The following AGAP1 variants were observed in gnomAD, a reference collection of about 807,000 sequenced individuals.
AGAP1 encodes arf-GAP with GTPase, ANK repeat and PH domain-containing protein 1.
In AGAP1, 29 loss-of-function variants were observed where a neutral mutation model predicts 105.3. The observed-to-expected ratio is 0.28, with a 90% confidence interval of 0.21 to 0.38. The LOEUF is 0.38. Among genes scored for constraint, AGAP1 ranks in the 10% least tolerant of loss-of-function variants. The pLI, the probability that AGAP1 is intolerant of heterozygous loss-of-function variation, is 1.00. For missense variants in AGAP1, 998 were observed against 1,165.1 expected, an observed-to-expected ratio of 0.86 and a Z score of 2.09; for synonymous variants, 509 against 485.9, an observed-to-expected ratio of 1.05 and a Z score of -0.63.
intron 13 of AGAP1, among the ~76,000 whole-genome samples, chr2:235,990,304 C>T (rs527700103): frequency 6.6e-6 from 1 of 152,342 alleles, no homozygotes; most frequent in African/African-American, 2.4e-5. Flanking sequence ...CCAGCCGCAC[C>T]TTCCAGCAGA....
intron 6 of AGAP1, among the ~76,000 whole-genome samples, chr2:235,764,305 A>G (rs916824937): frequency 1.3e-5 from 2 of 152,120 alleles, no homozygotes; most frequent in Admixed American, 6.5e-5. Flanking sequence ...CTTCATTTTC[A>G]TGCACAGAAA....
chr2:236,025,812 G>A (rs959090634), intron 13 of AGAP1, among the ~76,000 whole-genome samples: 1 of 151,602 alleles, frequency 6.6e-6, no homozygotes, highest in African/African-American at 2.4e-5. Context: ...TGAGGCAGGA[G>A]AATCACTTGA....
At chr2:235,762,465 G>A (rs1395707083) in intron 6 of AGAP1, among the ~76,000 whole-genome samples, 1 of 152,186 alleles carries the variant, frequency 6.6e-6, no homozygotes, top group Non-Finnish European at 1.5e-5. Context: ...TGAATGCAGA[G>A]CCTCATCGAA....
In AGAP1 at chr2:235,963,483, CT is replaced by C. The variant is rs2054270333; in HGVS notation, c.1484-4976del. Among the ~76,000 whole-genome samples the C allele has an allele frequency of 6.6e-6, 1 of 152,128 alleles. No homozygotes were observed. The highest frequency in any genetic ancestry group is 1.5e-5 in the Non-Finnish European group (1 of 68,018). On this transcript the variant is annotated intron_variant, in intron 12 of 17. Coordinates refer to ENST00000304032, the MANE Select transcript of AGAP1 (RefSeq NM_001037131.3). This position sits in a 1 kb window ranked among gnomAD's most constrained non-coding sequence, Gnocchi z 5.1. The stretch of plus-strand genomic sequence containing the variant: ...ATGAATAGACATCAAATAGATGGCC[CT>C]TTATCGTTTTCAGTTGTCAAAAATA...
In AGAP1 at chr2:235,934,801, C is replaced by T. The variant is rs534263321; in HGVS notation, c.1483+3878C>T. 2.0e-5 allele frequency among the ~76,000 whole-genome samples: 3 copies of T among 152,118 alleles called. No homozygotes were observed. Among genetic ancestry groups the T allele is most frequent in the South Asian group, 4.2e-4 (2 of 4,794 alleles). The stretch of plus-strand genomic sequence containing the variant: ...AGCCTAAGCAGCTTTGGAATACAGA[C>T]GCCCGTGTTGGCAAGTGTGCCTTCC... On this transcript the variant is annotated intron_variant, in intron 12 of 17. Transcript: ENST00000304032. This position sits in a 1 kb window ranked among gnomAD's most constrained non-coding sequence, Gnocchi z 4.9.
rs951999242 is a variant in AGAP1 at position 235,930,685 on chromosome 2, G to C, written c.1325-80G>C. Reference sequence around the variant, plus strand: ...GGTAAGGTGCACTATGTGCCAGCGTGTGGGTCCCATAGACTAACTCGCGCT... The same window carrying C: ...GGTAAGGTGCACTATGTGCCAGCGTCTGGGTCCCATAGACTAACTCGCGCT... On this transcript the variant is annotated intron_variant, in intron 11 of 17. Transcript: ENST00000304032. The surrounding 1 kb of genome is among the most constrained non-coding windows in gnomAD (Gnocchi z 7.9). 1.4e-6 allele frequency: 2 copies of C among 1,452,922 alleles called. No homozygotes were observed. Among genetic ancestry groups the C allele is most frequent in the Non-Finnish European group, 1.9e-6 (2 of 1,069,114 alleles). The allele number at this position is 1,452,922 out of a possible 1,614,324, so 90.0% of individuals were successfully genotyped here. A position where few individuals can be genotyped will look rare whatever the true frequency, so the allele number is the denominator to read the frequency against.
chr2:235,801,049 A>G lies in AGAP1; in HGVS notation c.957+1527A>G, dbSNP rs146139464. Among the ~76,000 whole-genome samples, 498 of 152,166 alleles carry G rather than the reference A, an allele frequency of 3.3e-3. 8 individuals carry two copies. Among genetic ancestry groups the G allele is most frequent in the Admixed American group, 0.026 (403 of 15,290 alleles). ...TGCCACATGTCTGGGGCAGTCTCTC[A>G]TTGGATGCTCATGACTGCGGAGGCG... On this transcript the variant is annotated intron_variant, in intron 8 of 17. Coordinates refer to ENST00000304032, the MANE Select transcript of AGAP1 (RefSeq NM_001037131.3). The surrounding 1 kb of genome is among the most constrained non-coding windows in gnomAD (Gnocchi z 6.0).
chr2:236,008,461 T>G (rs146144972), intron 13 of AGAP1, among the ~76,000 whole-genome samples: 1 of 152,210 alleles, frequency 6.6e-6, no homozygotes, highest in Non-Finnish European at 1.5e-5. Context: ...CATTAGAAAT[T>G]TATCATGAAG....
At position 235,843,737 on chromosome 2, in the gene AGAP1, G is replaced by A. The variant is rs566640170; in HGVS notation, c.1050+36406G>A. On this transcript the variant is annotated intron_variant, in intron 9 of 17. Coordinates refer to ENST00000304032, the MANE Select transcript of AGAP1 (RefSeq NM_001037131.3). The surrounding 1 kb of genome is among the most constrained non-coding windows in gnomAD (Gnocchi z 5.9). ...TTTTCATCTCATCAGCCTAGCTCCC[G>A]GCAGGACCTCCCCACTGGACTTTTC... 1.9e-4 allele frequency among the ~76,000 whole-genome samples: 29 copies of A among 152,236 alleles called. No individual in the cohort carries two copies. Among genetic ancestry groups the A allele is most frequent in the African/African-American group, 6.0e-4 (25 of 41,540 alleles).
At position 235,719,839 on chromosome 2, in the gene AGAP1, G is replaced by C. The variant is rs1951293301; in HGVS notation, c.310+2195G>C. Among the ~76,000 whole-genome samples, 1 of 152,178 alleles carries C rather than the reference G, an allele frequency of 6.6e-6. No homozygotes were observed. Among genetic ancestry groups the C allele is most frequent in the African/African-American group, 2.4e-5 (1 of 41,442 alleles). ...GGAGCTGACAGCAGCAGACACCCAG[G>C]TGCACCCCAGTGGGTGTGTGTCTAG... On this transcript the variant is annotated intron_variant, in intron 3 of 17. Transcript: ENST00000304032. This position sits in a 1 kb window ranked among gnomAD's most constrained non-coding sequence, Gnocchi z 4.9.
At chr2:235,784,898 A>G (rs1260815047) in intron 6 of AGAP1, among the ~76,000 whole-genome samples, 1 of 152,134 alleles carries the variant, frequency 6.6e-6, no homozygotes, top group Admixed American at 6.6e-5. Context: ...TGCTGGGGAG[A>G]GTATTACAAT....
At chr2:236,085,366 G>T (rs1381191956) in intron 16 of AGAP1, among the ~76,000 whole-genome samples, 2 of 152,202 alleles carry the variant, frequency 1.3e-5, no homozygotes, top group Admixed American at 6.5e-5. Context: ...CTTTGTTGCT[G>T]CAGCTCTCCC....
At position 236,051,574 on chromosome 2, in the gene AGAP1, T is replaced by C. The variant is rs1293480563; in HGVS notation, c.2114+2293T>C. ...GGCCGGGCCTGTGGGGAGGTGTGCC[T>C]GTCGGCGAGTACAGCACCGTGGACG... On this transcript the variant is annotated intron_variant, in intron 16 of 17. Transcript: ENST00000304032. The surrounding 1 kb of genome is among the most constrained non-coding windows in gnomAD (Gnocchi z 5.9). 6.6e-6 allele frequency among the ~76,000 whole-genome samples: 1 copy of C among 152,008 alleles called. No homozygotes were observed. The highest frequency in any genetic ancestry group is 2.4e-5 in the African/African-American group (1 of 41,374).
At chr2:235,563,715 T>C (rs1249347487) in intron 1 of AGAP1, among the ~76,000 whole-genome samples, 1 of 152,156 alleles carries the variant, frequency 6.6e-6, no homozygotes, top group Non-Finnish European at 1.5e-5. Flanking sequence ...AACTTTGCTA[T>C]GGCTTGGGAA....
Position 235,664,142 on chromosome 2 carries a change from T to C in AGAP1, c.164-45037T>C, listed in dbSNP as rs1164528478. ...TGGGAGCTGCTGTGTGTGACGTGGC[T>C]GTTCAGTGTTGTTTGTGTTGGCTCT... On this transcript the variant is annotated intron_variant, in intron 1 of 17. Transcript: ENST00000304032. This position sits in a 1 kb window ranked among gnomAD's most constrained non-coding sequence, Gnocchi z 5.7. 6.6e-6 allele frequency among the ~76,000 whole-genome samples: 1 copy of C among 152,078 alleles called. No homozygotes were observed. The highest frequency in any genetic ancestry group is 1.5e-5 in the Non-Finnish European group (1 of 68,026).
rs35303117 is a variant in AGAP1, at chr2:236,061,881, GAAA to G, written c.2114+12612_2114+12614del. Among the ~76,000 whole-genome samples, 1 of 121,368 alleles carries G rather than the reference GAAA, an allele frequency of 8.2e-6. No homozygotes were observed. The allele number at this position is 121,368 out of a possible 152,430, so 79.6% of individuals were successfully genotyped here. A position where few individuals can be genotyped will look rare whatever the true frequency, so the allele number is the denominator to read the frequency against. On this transcript the variant is annotated intron_variant, in intron 16 of 17. Coordinates refer to ENST00000304032, the MANE Select transcript of AGAP1 (RefSeq NM_001037131.3). The surrounding 1 kb of genome is among the most constrained non-coding windows in gnomAD (Gnocchi z 4.1). ...ATGGTATATAAATTATGTCAATTTT[GAAA>G]AAAAAAAAAAAGGAATTTCCAAAGG...
At position 236,073,551 on chromosome 2, in the gene AGAP1, G is replaced by A. The variant is rs1012269513; in HGVS notation, c.2114+24270G>A. On this transcript the variant is annotated intron_variant, in intron 16 of 17. Coordinates refer to ENST00000304032, the MANE Select transcript of AGAP1 (RefSeq NM_001037131.3). The surrounding 1 kb of genome is among the most constrained non-coding windows in gnomAD (Gnocchi z 5.4). The stretch of plus-strand genomic sequence containing the variant: ...ACCATCTTGGTGTTGCGCCAGTCAG[G>A]AGTAATTGTTGTAAGTTAGGCTTTG... Among the ~76,000 whole-genome samples the A allele has an allele frequency of 1.3e-5, 2 of 152,152 alleles. No homozygotes were observed. The highest frequency in any genetic ancestry group is 4.8e-5 in the African/African-American group (2 of 41,440).
At chr2:235,505,447 A>T (rs918825428) in intron 1 of AGAP1, among the ~76,000 whole-genome samples, 201 of 152,228 alleles carry the variant, frequency 1.3e-3, no homozygotes, top group African/African-American at 4.7e-3. Flanking sequence ...ATTTTGAGGG[A>T]TGGTGGTGGG....
chr2:235,708,921 C>T (rs149809934), intron 1 of AGAP1, among the ~76,000 whole-genome samples: 9 of 152,246 alleles, frequency 5.9e-5, no homozygotes, highest in South Asian at 2.1e-4. Flanking sequence ...ATGGAAAGTT[C>T]GATTTTCAGT....
Sources: allele counts gnomAD v4.1 joint callset (sites outside exome capture counted in the v4.1 genomes callset), GRCh38; gene constraint gnomAD v4.1.1; non-coding constraint Gnocchi (gnomAD v3.1); transcripts MANE v1.5; gene names NCBI Gene and HGNC (gene_info 2026-07-23, HGNC 2026-07-21).